PPP4R1: variants seen among roughly 807,000 people sequenced by gnomAD.
PPP4R1 encodes serine/threonine-protein phosphatase 4 regulatory subunit 1.
PPP4R1 carries 42 observed loss-of-function variants against 111.2 expected under a neutral mutation model. The observed-to-expected ratio is 0.38, with a 90% CI of 0.29 to 0.49. The LOEUF is 0.49. Among genes scored for constraint, PPP4R1 ranks in the 20% least tolerant of loss-of-function variants. The pLI is 0.97. For missense variants in PPP4R1, 1,012 were observed against 1,161.6 expected (o/e 0.87, Z 1.87); for synonymous variants, 409 against 405.5 (o/e 1.01, Z -0.10).
At chr18:9,589,765 G>A (rs1448493440) in intron 4 of PPP4R1, 1 of 152,262 alleles carries the variant, frequency 6.6e-6, no homozygotes, top group African/African-American at 2.4e-5. Context: ...AGGTGTGGTG[G>A]TGCATGCCTG....
At chr18:9,598,366 C>T (rs2067324588) in intron 2 of PPP4R1, among the ~76,000 whole-genome samples, 1 of 151,982 alleles carries the variant, frequency 6.6e-6, no homozygotes, top group South Asian at 2.1e-4. Context: ...AAAAGTATAC[C>T]AAGGCACAAT....
At chr18:9,555,929 G>T (rs560327653) in intron 15 of PPP4R1, among the ~76,000 whole-genome samples, 1 of 151,292 alleles carries the variant, frequency 6.6e-6, no homozygotes, top group Admixed American at 6.6e-5. Flanking sequence ...AAGATCAGGA[G>T]ATCAAGACCA....
chr18:9,605,122 G>A (rs933781871), intron 2 of PPP4R1, among the ~76,000 whole-genome samples: 1 of 152,172 alleles, frequency 6.6e-6, no homozygotes, highest in Non-Finnish European at 1.5e-5. Flanking sequence ...CCTAGATACT[G>A]CTCAGGCCAC....
chr18:9,599,272 T>C (rs1439160626), intron 2 of PPP4R1, among the ~76,000 whole-genome samples: 1 of 152,206 alleles, frequency 6.6e-6, no homozygotes, highest in Non-Finnish European at 1.5e-5. Flanking sequence ...TACATATTAC[T>C]TGAAGTTAGA....
Position 9,550,318 on chromosome 18 carries a change from GCA to G in PPP4R1, c.2370_2371del (p.Ala791ArgfsTer36). 1 of 1,614,036 alleles carries G rather than the reference GCA, an allele frequency of 6.2e-7. No individual in the cohort carries two copies. The highest frequency in any genetic ancestry group is 8.5e-7 in the Non-Finnish European group (1 of 1,179,902). On this transcript the variant is annotated frameshift_variant, in exon 17 of 20. Transcript: ENST00000400556. LOFTEE classifies it high-confidence loss of function. Reference sequence around the variant, plus strand: ...CCAACGAACAGAAGAAACTTTGTCTGCACACAGATTCAGAGCAATGGGACGTA... The same window carrying G: ...CCAACGAACAGAAGAAACTTTGTCTGCACAGATTCAGAGCAATGGGACGTA...
At chr18:9,582,716 C>T (rs1197195473) in intron 9 of PPP4R1, among the ~76,000 whole-genome samples, 1 of 152,076 alleles carries the variant, frequency 6.6e-6, no homozygotes, top group Non-Finnish European at 1.5e-5. Flanking sequence ...GACAAAGGCA[C>T]CATAAGAAAA....
chr18:9,562,842 G>T, intron 12 of PPP4R1: 1 of 980,122 alleles, frequency 1.0e-6, no homozygotes, highest in East Asian at 1.1e-4. Flanking sequence ...GCTTGATGGA[G>T]ATGCAGCAGG....
At chr18:9,578,570 G>T (rs1365171084) in intron 9 of PPP4R1, among the ~76,000 whole-genome samples, 1 of 146,916 alleles carries the variant, frequency 6.8e-6, no homozygotes, top group Non-Finnish European at 1.5e-5. Flanking sequence ...AAAAAAAAAA[G>T]CATAATAATA....
At chr18:9,607,783 CT>C (rs59033925) in intron 2 of PPP4R1, among the ~76,000 whole-genome samples, 19,151 of 125,260 alleles carry the variant, frequency 0.15, 1,480 homozygotes, top group African/African-American at 0.29. Flanking sequence ...TTCTTTCTTT[CT>C]TTTTTTTTTT....
At chr18:9,616,119 T>C, upstream of PPP4R1, among the ~76,000 whole-genome samples, 1 of 152,168 alleles carries the variant, frequency 6.6e-6, no homozygotes, top group East Asian at 1.9e-4. Flanking sequence ...ACAAAGGAGT[T>C]AGAAATTCAC....
Position 9,614,339 on chromosome 18 carries a change from C to T in PPP4R1, c.8-69G>A. The T allele has an allele frequency of 2.8e-6, 3 of 1,082,436 alleles. No homozygotes were observed. The highest frequency in any genetic ancestry group is 2.3e-6 in the Non-Finnish European group (2 of 884,268). 67.1% of individuals were successfully genotyped at this position (1,082,436 alleles called of 1,614,324 possible). ...GCCCGGCGCGACGCCCCCCCCCCGC[C>T]CGCCTCCCCCCCGCCCCGGGGGCGC... is the stretch of plus-strand genomic sequence containing the variant. On this transcript the variant is annotated intron_variant, in intron 1 of 19. Coordinates refer to ENST00000400556, the MANE Select transcript of PPP4R1 (RefSeq NM_001042388.3). The surrounding 1 kb of genome is among the most constrained non-coding windows in gnomAD (Gnocchi z 4.1).
At chr18:9,559,831 T>C (rs186762381) in intron 13 of PPP4R1, among the ~76,000 whole-genome samples, 207 of 152,056 alleles carry the variant, frequency 1.4e-3, no homozygotes, top group African/African-American at 4.8e-3. Flanking sequence ...AGGAGAACAA[T>C]GAATAACATC....
chr18:9,551,430 G>T (rs1367892935), intron 16 of PPP4R1: 1 of 152,418 alleles, frequency 6.6e-6, no homozygotes, highest in Non-Finnish European at 1.5e-5. Flanking sequence ...AGGAGCATGG[G>T]GTGGCTCAAA....
Position 9,607,257 on chromosome 18 carries a change from A to T in PPP4R1, c.52+6969T>A, listed in dbSNP as rs142530690. 1.9e-3 allele frequency among the ~76,000 whole-genome samples: 285 copies of T among 152,132 alleles called. 5 individuals carry two copies. The highest frequency in any genetic ancestry group is 6.6e-3 in the African/African-American group (272 of 41,496). On this transcript the variant is annotated intron_variant, in intron 2 of 19. Transcript: ENST00000400556. ...AGGCCTGTGGTCCCAGCTACTTGGT[A>T]AGCTGAGGTGGGAGGATTACTTGAG...
chr18:9,556,883 T>C (rs1488221935), intron 15 of PPP4R1: 2 of 178,716 alleles, frequency 1.1e-5, no homozygotes, highest in Non-Finnish European at 2.3e-5. Flanking sequence ...ACAGGAGTAC[T>C]CCATGGATTT....
At position 9,583,181 on chromosome 18, in the gene PPP4R1, T is replaced by G. The variant is rs1216603673; in HGVS notation, c.854A>C (p.Gln285Pro). 1.2e-6 allele frequency: 2 copies of G among 1,612,244 alleles called. No individual in the cohort carries two copies. Among genetic ancestry groups the G allele is most frequent in the Non-Finnish European group, 1.7e-6 (2 of 1,178,728 alleles). ...TGATAATTTGGTCCGTCGGATTTCT[T>G]GACATGTTGCACATGAAACCGCCAT... Reference protein sequence around the residue: ...CFMAVSCATCQEIRRTKLSAL... With the variant: ...CFMAVSCATCPEIRRTKLSAL... The change falls in exon 9 of 20, where the codon CAA (glutamine) becomes CCA (proline). Residue 285 changes from glutamine to proline, a missense_variant. Gln to Pro is a moderately conservative substitution (Grantham distance 76). Transcript: ENST00000400556.
At position 9,570,243 on chromosome 18, in the gene PPP4R1, G is replaced by A. The variant is rs773821783; in HGVS notation, c.1487C>T (p.Ser496Phe). The change falls in exon 11 of 20, where the codon TCT (serine) becomes TTT (phenylalanine). Residue 496 changes from serine (S) to phenylalanine (F), a missense_variant. Coordinates refer to ENST00000400556, the MANE Select transcript of PPP4R1 (RefSeq NM_001042388.3). ...EEESEGPVPSSPNITMATRKE... is the reference protein window; with the variant it reads ...EEESEGPVPSFPNITMATRKE... ...TCTGGTGGCCATGGTGATGTTTGGA[G>A]AACTGGGCACAGGGCCCTCAGATTC... is the stretch of plus-strand genomic sequence containing the variant. 6.3e-7 allele frequency: 1 copy of A among 1,598,088 alleles called. No individual in the cohort carries two copies. The highest frequency in any genetic ancestry group is 8.5e-7 in the Non-Finnish European group (1 of 1,174,668).
intron 2 of PPP4R1, among the ~76,000 whole-genome samples, chr18:9,605,465 T>C (rs1169756669): frequency 6.8e-6 from 1 of 147,466 alleles, no homozygotes; most frequent in Non-Finnish European, 1.5e-5. Context: ...AGCAATTTGA[T>C]AGACATCACC....
At chr18:9,607,783 CTTTTTTT>C (rs59033925) in intron 2 of PPP4R1, among the ~76,000 whole-genome samples, 37 of 125,340 alleles carry the variant, frequency 3.0e-4, no homozygotes, top group East Asian at 1.6e-3. Context: ...TTCTTTCTTT[CTTTTTTT>C]TTTTTTTTTT....
Sources: gnomAD v4.1 joint callset for allele counts (sites outside exome capture counted in the v4.1 genomes callset) on GRCh38, gnomAD v4.1.1 for gene constraint, Gnocchi (gnomAD v3.1) non-coding constraint, MANE v1.5 for transcripts, NCBI Gene and HGNC (gene_info 2026-07-23, HGNC 2026-07-21) for gene names.